The following SLC24A2 variants were observed in gnomAD, a reference collection of about 807,000 sequenced individuals.
SLC24A2 encodes solute carrier family 24 member 2, also known as sodium/potassium/calcium exchanger 2.
In SLC24A2, 36 loss-of-function variants were observed where a neutral mutation model predicts 62.0. The ratio of observed to expected loss-of-function variants is 0.58; its 90% confidence interval spans 0.44 to 0.77. The LOEUF (loss-of-function observed/expected upper bound fraction) is 0.77. Ranked by LOEUF, SLC24A2 falls within the 30% of genes least tolerant of loss-of-function variation. The pLI, the probability that SLC24A2 is intolerant of heterozygous loss-of-function variation, is 0.00. For missense variants in SLC24A2, 846 were observed against 817.9 expected (o/e 1.03, Z -0.42); for synonymous variants, 358 against 294.0 (o/e 1.22, Z -2.23).
chr9:20,134,543 T>C, the SLC24A2 span, among the ~76,000 whole-genome samples: 1 of 152,198 alleles, frequency 6.6e-6, no homozygotes, highest in Admixed American at 6.5e-5. Context: ...TCTAGTACAA[T>C]TTTGCATAGT....
the SLC24A2 span, among the ~76,000 whole-genome samples, chr9:19,925,101 A>G: frequency 6.6e-6 from 1 of 152,226 alleles, no homozygotes; most frequent in Non-Finnish European, 1.5e-5. Flanking sequence ...GGGAGCCTAC[A>G]TTATCACTCC....
the SLC24A2 span, among the ~76,000 whole-genome samples, chr9:19,961,536 C>A: frequency 1.3e-5 from 2 of 152,196 alleles, no homozygotes; most frequent in Non-Finnish European, 1.5e-5. Flanking sequence ...AACTCTATGG[C>A]ATGGCCCCAC....
intron 2 of SLC24A2, among the ~76,000 whole-genome samples, chr9:19,767,160 T>G (rs1822541596): frequency 6.6e-6 from 1 of 152,150 alleles, no homozygotes; most frequent in Admixed American, 6.5e-5. Flanking sequence ...AGCTCAAGTG[T>G]TCCAGGTCGA....
chr9:19,892,243 C>T, the SLC24A2 span, among the ~76,000 whole-genome samples: 587 of 152,312 alleles, frequency 3.9e-3, 1 homozygote, highest in Middle Eastern at 0.01. Flanking sequence ...GTTACCTTCC[C>T]TGACCATCCC....
At chr9:20,225,490 A>C in the SLC24A2 span, among the ~76,000 whole-genome samples, 1 of 140,430 alleles carries the variant, frequency 7.1e-6, no homozygotes, top group African/African-American at 2.8e-5. Flanking sequence ...ATGTGAAAAA[A>C]TTCAACTTTA....
chr9:20,144,182 A>C, the SLC24A2 span, among the ~76,000 whole-genome samples: 67 of 152,228 alleles, frequency 4.4e-4, no homozygotes, highest in Admixed American at 3.6e-3. Flanking sequence ...CTCTATGAAA[A>C]CCCAACTCTC....
the SLC24A2 span, among the ~76,000 whole-genome samples, chr9:19,913,905 G>A: frequency 6.6e-6 from 1 of 151,396 alleles, no homozygotes; most frequent in Admixed American, 6.6e-5. Flanking sequence ...GTTTTCCTGG[G>A]TAAGCACTTA....
At chr9:19,903,119 A>C in the SLC24A2 span, among the ~76,000 whole-genome samples, 3 of 151,836 alleles carry the variant, frequency 2.0e-5, no homozygotes, top group Non-Finnish European at 4.4e-5. Context: ...TGTGAGACTC[A>C]ATTATTCTGA....
At chr9:19,729,950 T>C (rs556428075) in intron 2 of SLC24A2, among the ~76,000 whole-genome samples, 1 of 152,282 alleles carries the variant, frequency 6.6e-6, no homozygotes, top group Admixed American at 6.5e-5. Context: ...CTATACATTA[T>C]TATATGGATC....
the SLC24A2 span, among the ~76,000 whole-genome samples, chr9:20,302,431 A>G: frequency 1.3e-5 from 2 of 152,168 alleles, no homozygotes; most frequent in Non-Finnish European, 2.9e-5. Flanking sequence ...TCATTCTAAT[A>G]GGTATGTAAT....
chr9:19,602,980 T>C (rs1424651178), intron 4 of SLC24A2, among the ~76,000 whole-genome samples: 1 of 152,194 alleles, frequency 6.6e-6, no homozygotes, highest in Admixed American at 6.5e-5. Flanking sequence ...ACATTTTCTC[T>C]GGTCCCTTTT....
intron 2 of SLC24A2, among the ~76,000 whole-genome samples, chr9:19,707,997 T>C (rs977336782): frequency 7.9e-5 from 12 of 152,210 alleles, no homozygotes. Flanking sequence ...ACTGTGTATC[T>C]ATAAAACCCC....
chr9:20,153,186 G>A, the SLC24A2 span, among the ~76,000 whole-genome samples: 2 of 151,754 alleles, frequency 1.3e-5, no homozygotes, highest in African/African-American at 4.8e-5. Context: ...CTCTGCAAAG[G>A]GTTCAGAAGG....
At chr9:19,794,795 G>A in the SLC24A2 span, among the ~76,000 whole-genome samples, 3 of 152,092 alleles carry the variant, frequency 2.0e-5, no homozygotes, top group African/African-American at 7.2e-5. Context: ...TACTGGTAAA[G>A]GAGGCATGCT....
the SLC24A2 span, among the ~76,000 whole-genome samples, chr9:20,069,484 T>C: frequency 2.6e-5 from 4 of 152,214 alleles, no homozygotes; most frequent in African/African-American, 9.7e-5. Flanking sequence ...TAACAAATTG[T>C]CCTAAAGCAA....
the SLC24A2 span, among the ~76,000 whole-genome samples, chr9:20,088,671 C>A: frequency 1.3e-5 from 2 of 151,982 alleles, no homozygotes; most frequent in Admixed American, 1.3e-4. Flanking sequence ...TGGAGCAGAC[C>A]CCCCCAAAGC....
chr9:19,770,993 A>G (rs1475124881), intron 2 of SLC24A2, among the ~76,000 whole-genome samples: 1 of 152,212 alleles, frequency 6.6e-6, no homozygotes, highest in Non-Finnish European at 1.5e-5. Context: ...CATTTGCAAG[A>G]AACTGGACTG....
the SLC24A2 span, among the ~76,000 whole-genome samples, chr9:19,978,869 C>T: frequency 6.6e-6 from 1 of 152,028 alleles, no homozygotes; most frequent in Non-Finnish European, 1.5e-5. Flanking sequence ...AAGAGCTCTA[C>T]TGAACAAAAA....
At chr9:19,808,718 AG>A in the SLC24A2 span, among the ~76,000 whole-genome samples, 1 of 152,098 alleles carries the variant, frequency 6.6e-6, no homozygotes, top group Non-Finnish European at 1.5e-5. The surrounding 1 kb of genome is among the most constrained non-coding windows in gnomAD (Gnocchi z 4.1). Flanking sequence ...CCCCCTTATA[AG>A]GTTATACCCC....
Sources: allele counts gnomAD v4.1 joint callset (sites outside exome capture counted in the v4.1 genomes callset), GRCh38; gene constraint gnomAD v4.1.1; non-coding constraint Gnocchi (gnomAD v3.1); transcripts MANE v1.5; gene names NCBI Gene and HGNC (gene_info 2026-07-23, HGNC 2026-07-21).